RAB3IL1: variants seen among roughly 807,000 people sequenced by gnomAD.
The protein encoded by RAB3IL1 is RAB3A interacting protein like 1.
A neutral mutation model predicts 49.2 loss-of-function variants in RAB3IL1; 37 were observed. The ratio of observed to expected loss-of-function variants is 0.75; its 90% CI spans 0.58 to 0.99. The LOEUF is 0.99. RAB3IL1 is among the 50% of genes least tolerant of loss of function. The probability of loss-of-function intolerance (pLI) is 0.00; values close to 1 mark genes in which losing one functional copy is unlikely to be tolerated. For synonymous variants in RAB3IL1, 193 were observed against 213.9 expected (o/e 0.90, Z 0.85); for missense variants, 484 against 513.0 (o/e 0.94, Z 0.55).
the RAB3IL1 span, among the ~76,000 whole-genome samples, chr11:61,944,176 C>CTCCTTCCCT: frequency 9.1e-5 from 13 of 142,746 alleles, no homozygotes; most frequent in East Asian, 2.6e-3. Context: ...TCCTCCCTAC[C>CTCCTTCCCT]TCCTTCCCTT....
intron 9 of RAB3IL1, 144 bp downstream of exon 9, chr11:61,899,170 C>T: frequency 1.1e-6 from 1 of 926,596 alleles, no homozygotes; most frequent in South Asian, 1.6e-5. Context: ...TTTGTGAACG[C>T]TTTACTAAAC....
intron 9 of RAB3IL1, chr11:61,899,056 A>C: frequency 3.6e-6 from 2 of 562,500 alleles, no homozygotes; most frequent in African/African-American, 1.9e-5. Flanking sequence ...AGGGCCAGGG[A>C]GAGATTCACA....
At position 61,899,360 on chromosome 11, in the gene RAB3IL1, G is replaced by T; in HGVS notation, c.1020C>A (p.Phe340Leu). 1.2e-6 allele frequency: 2 copies of T among 1,609,556 alleles called. No homozygotes were observed. ...GCTGGATGTAGCGGATGTAGGTGAA[G>T]AAGTTGCACACTGCGGTGATCTGTG... ...SRARITAVCN[F>L]FTYIRYIQQG... Residue 340 changes from phenylalanine to leucine, a missense_variant, in exon 9 of 10, where the codon TTC (phenylalanine) becomes TTA (leucine). Coordinates refer to ENST00000394836, the MANE Select transcript of RAB3IL1 (RefSeq NM_013401.4).
chr11:61,934,450 G>GTGTATGTA, the RAB3IL1 span, among the ~76,000 whole-genome samples: 11 of 31,620 alleles, frequency 3.5e-4, no homozygotes, highest in African/African-American at 9.1e-4. Context: ...GTGTGTGTAT[G>GTGTATGTA]TATATATATA....
At chr11:61,934,446 G>GTGTGTGTGTA in the RAB3IL1 span, among the ~76,000 whole-genome samples, 234 of 24,222 alleles carry the variant, frequency 9.7e-3, 1 homozygote, top group Non-Finnish European at 0.023. Context: ...GTGTGTGTGT[G>GTGTGTGTGTA]TATGTATATA....
chr11:61,908,104 G>A lies in RAB3IL1; in HGVS notation c.214C>T (p.Arg72Ter), dbSNP rs1479488859. 4 of 1,610,256 alleles carry A rather than the reference G, an allele frequency of 2.5e-6. No individual in the cohort carries two copies. The highest frequency in any genetic ancestry group is 1.3e-5 in the African/African-American group (1 of 74,906). Residue 72 changes from arginine (R) to a stop codon, truncating the protein, a stop_gained, in exon 2 of 10, where the codon CGA becomes TGA. Coordinates refer to ENST00000394836, the MANE Select transcript of RAB3IL1 (RefSeq NM_013401.4). LOFTEE classifies it high-confidence loss of function. ...TTCAGGAACTCGGAGCCCTTCTCTC[G>A]GATCTCCATGGAAGAGCTGCGCAGG... ...LRLRSSSMEI[R>*]EKGSEFLKEE...
chr11:61,913,028 AG>A lies in RAB3IL1; in HGVS notation c.11+4328del, dbSNP rs1288919285. Among the ~76,000 whole-genome samples, 3 of 152,252 alleles carry A rather than the reference AG, an allele frequency of 2.0e-5. No homozygotes were observed. The East Asian group carries it at 5.8e-4, about 29-fold the overall frequency. On this transcript the variant is annotated intron_variant, in intron 1 of 9. Transcript: ENST00000394836. ...GTGAGGAACTGGGAGGGGGTCTTTC[AG>A]GGACAGGAAAGTGGGTGGCTGAGGC...
In RAB3IL1 at chr11:61,917,361, T is replaced by C. The variant is rs886582521; in HGVS notation, c.7A>G (p.Ser3Gly). MW[S>G]GPPQPDQGLP... ...CGCGAGCGCGCGCGGACCTACCCGC[T>C]CCACATCCCGGCGCCTCGGGGCGCC... Residue 3 changes from serine to glycine, a missense_variant, in exon 1 of 10, where the codon AGC becomes GGC. Ser to Gly is a moderately conservative substitution (Grantham distance 56). Transcript: ENST00000394836. 4.7e-6 allele frequency: 6 copies of C among 1,266,970 alleles called. No homozygotes were observed. The highest frequency in any genetic ancestry group is 4.0e-6 in the Non-Finnish European group (4 of 1,008,216). 78.5% of individuals were successfully genotyped at this position (1,266,970 alleles called of 1,614,324 possible). A position where few individuals can be genotyped will look rare whatever the true frequency, so the allele number is the denominator to read the frequency against.
At position 61,898,290 on chromosome 11, in the gene RAB3IL1, G is replaced by A. The variant is rs1007752307; in HGVS notation, c.1137C>T (p.Pro379=). 4 of 1,613,184 alleles carry A rather than the reference G, an allele frequency of 2.5e-6. No homozygotes were observed. Among genetic ancestry groups the A allele is most frequent in the African/African-American group, 1.3e-5 (1 of 75,056 alleles). ...EMSLAKLGFF[P]QEA ...CCTGGGCCGCGCCCTAAGCCTCCTG[G>A]GGGAAGAAGCCGAGCTTGGCCAGTG... The change falls in exon 10 of 10, where the codon CCC becomes CCT. Residue 379 remains proline, a synonymous_variant. Transcript: ENST00000394836. This position sits in a 1 kb window ranked among gnomAD's most constrained non-coding sequence, Gnocchi z 5.1.
At chr11:61,926,104 CAAA>C in the RAB3IL1 span, among the ~76,000 whole-genome samples, 8 of 64,064 alleles carry the variant, frequency 1.2e-4, no homozygotes, top group East Asian at 4.9e-4. Flanking sequence ...TCCTTCCTGC[CAAA>C]AAAAAAAAAA....
intron 7 of RAB3IL1, among the ~76,000 whole-genome samples, chr11:61,904,015 G>A (rs1939049618): frequency 6.6e-6 from 1 of 151,558 alleles, no homozygotes; most frequent in African/African-American, 2.4e-5. Flanking sequence ...CGTTCCCTCT[G>A]CCTGAAATGC....
chr11:61,945,709 G>A, the RAB3IL1 span: 11 of 950,552 alleles, frequency 1.2e-5, no homozygotes, highest in South Asian at 2.4e-4. Context: ...CACCTGCCAC[G>A]AGCCCCAGTT....
At chr11:61,931,651 G>A in the RAB3IL1 span, among the ~76,000 whole-genome samples, 1 of 152,104 alleles carries the variant, frequency 6.6e-6, no homozygotes, top group African/African-American at 2.4e-5. Context: ...AGGAGGAGGA[G>A]AAGGAAGGCA....
intron 9 of RAB3IL1, 21 bp downstream of exon 9, chr11:61,899,293 C>A (rs544734894): frequency 2.5e-6 from 4 of 1,599,812 alleles, no homozygotes; most frequent in Non-Finnish European, 3.4e-6. Flanking sequence ...ATCCCTGCAC[C>A]GGCCACCAGG....
At chr11:61,912,615 T>C (rs1052497652) in intron 1 of RAB3IL1, among the ~76,000 whole-genome samples, 5 of 152,132 alleles carry the variant, frequency 3.3e-5, no homozygotes, top group Non-Finnish European at 7.4e-5. Flanking sequence ...CAGAGAGGGA[T>C]GGTGACCTGG....
upstream of RAB3IL1, chr11:61,917,589 G>A (rs933285419): frequency 9.4e-6 from 10 of 1,065,662 alleles, no homozygotes; most frequent in African/African-American, 1.4e-4. Flanking sequence ...GGAGCGGCCC[G>A]AGGACACGTG....
chr11:61,900,295 C>T (rs1027556295), intron 8 of RAB3IL1, among the ~76,000 whole-genome samples: 1 of 152,216 alleles, frequency 6.6e-6, no homozygotes, highest in East Asian at 1.9e-4. Context: ...TCTGCCTCTT[C>T]GGAACCCAGC....
upstream of RAB3IL1, among the ~76,000 whole-genome samples, chr11:61,921,250 C>A (rs1439987343): frequency 6.6e-6 from 1 of 152,162 alleles, no homozygotes; most frequent in Non-Finnish European, 1.5e-5. Flanking sequence ...AACAACTCAG[C>A]GGTAGCAGCT....
chr11:61,919,455 G>T (rs1415917727), upstream of RAB3IL1, among the ~76,000 whole-genome samples: 1 of 152,192 alleles, frequency 6.6e-6, no homozygotes, highest in Non-Finnish European at 1.5e-5. Context: ...TTGCTCCTCA[G>T]TTGAAAAGGA....
Sources: gnomAD v4.1 joint callset for allele counts (sites outside exome capture counted in the v4.1 genomes callset) on GRCh38, gnomAD v4.1.1 for gene constraint, Gnocchi (gnomAD v3.1) non-coding constraint, MANE v1.5 for transcripts, NCBI Gene and HGNC (gene_info 2026-07-23, HGNC 2026-07-21) for gene names.